Variants in ABI1 observed in about 807,000 individuals in gnomAD.
ABI1 encodes the protein abl interactor 1, also known as Abelson interactor 1.
ABI1 carries 14 observed loss-of-function variants against 54.6 expected under a neutral mutation model. The ratio of observed to expected loss-of-function variants is 0.26; its 90% confidence interval spans 0.17 to 0.40. The LOEUF is 0.40. Among genes scored for constraint, ABI1 ranks in the 10% least tolerant of loss-of-function variants. The pLI is 1.00. For missense variants in ABI1, 443 were observed against 598.3 expected (o/e 0.74, Z 2.71); for synonymous variants, 194 against 209.3 (o/e 0.93, Z 0.63).
chr10:26,756,651 C>T (rs925301830), intron 8 of ABI1, among the ~76,000 whole-genome samples: 3 of 151,972 alleles, frequency 2.0e-5, no homozygotes, highest in Admixed American at 2.0e-4. Context: ...TAGAAGTAAA[C>T]ATTCATATGT....
rs535483408 is a variant in ABI1, at chr10:26,788,203, G to A, written c.286-10962C>T. Among the ~76,000 whole-genome samples, 6 of 152,226 alleles carry A rather than the reference G, an allele frequency of 3.9e-5. No homozygotes were observed. In the South Asian group the frequency reaches 6.2e-4, roughly 16 times the overall value. ...CTTCTCATTTTCTCTTGCTGCCGTC[G>A]TGTAAGAAGGGCATTTTGCCTCCCG... is the stretch of plus-strand genomic sequence containing the variant. On this transcript the variant is annotated intron_variant, in intron 2 of 10. Coordinates refer to ENST00000376140, the MANE Select transcript of ABI1 (RefSeq NM_001012750.3).
intron 2 of ABI1, among the ~76,000 whole-genome samples, chr10:26,801,504 G>A (rs943359714): frequency 3.3e-5 from 5 of 151,610 alleles, no homozygotes; most frequent in South Asian, 2.1e-4. Flanking sequence ...CCAAGATCAC[G>A]CCACTGCAGT....
intron 1 of ABI1, among the ~76,000 whole-genome samples, chr10:26,850,610 A>G (rs1468878856): frequency 6.6e-6 from 1 of 150,468 alleles, no homozygotes; most frequent in Middle Eastern, 3.4e-3. Flanking sequence ...GTGAGCCAAG[A>G]CCGCGCTATT....
intron 3 of ABI1, among the ~76,000 whole-genome samples, chr10:26,771,334 TGCAG>T (rs1840662343): frequency 6.6e-6 from 1 of 152,216 alleles, no homozygotes; most frequent in South Asian, 2.1e-4. Flanking sequence ...TCCAATCTCA[TGCAG>T]GCTCAATGAT....
At chr10:26,834,234 A>G (rs1383842850) in intron 1 of ABI1, among the ~76,000 whole-genome samples, 1 of 152,160 alleles carries the variant, frequency 6.6e-6, no homozygotes, top group Non-Finnish European at 1.5e-5. Flanking sequence ...CATCTCAAAA[A>G]TACAAAAAAG....
At chr10:26,755,767 G>C (rs371895786) in intron 8 of ABI1, 26 bp from the exon 9 acceptor site, 7 of 1,482,550 alleles carry the variant, frequency 4.7e-6, no homozygotes, top group Non-Finnish European at 5.6e-6. Flanking sequence ...CAGTATGGGG[G>C]AAGTAAAACA....
At chr10:26,754,946 C>CG (rs1838110766) in intron 9 of ABI1, among the ~76,000 whole-genome samples, 1 of 146,584 alleles carries the variant, frequency 6.8e-6, no homozygotes, top group African/African-American at 2.7e-5. Flanking sequence ...AACTTCTCCC[C>CG]CCCCACAAAA....
intron 2 of ABI1, among the ~76,000 whole-genome samples, chr10:26,820,987 G>A (rs957826033): frequency 9.1e-5 from 13 of 142,766 alleles, no homozygotes; most frequent in Non-Finnish European, 1.8e-4. Context: ...TCACACCTGC[G>A]ATCCTAGCAC....
chr10:26,831,236 C>CAA (rs374279635), intron 1 of ABI1, among the ~76,000 whole-genome samples: 6 of 144,440 alleles, frequency 4.2e-5, no homozygotes, highest in East Asian at 4.0e-4. Flanking sequence ...CTCCAACTTC[C>CAA]AAAAAAAAAA....
At chr10:26,816,015 T>C (rs1361468682) in intron 2 of ABI1, among the ~76,000 whole-genome samples, 4 of 152,236 alleles carry the variant, frequency 2.6e-5, no homozygotes, top group African/African-American at 9.6e-5. Context: ...AAGTAACAGA[T>C]GAGCATCATT....
chr10:26,818,205 A>G, intron 2 of ABI1, among the ~76,000 whole-genome samples: 1 of 148,948 alleles, frequency 6.7e-6, no homozygotes, highest in Non-Finnish European at 1.5e-5. Context: ...ATTCCTAACA[A>G]ATTTGAAAGG....
rs151259426 is a variant in ABI1 at position 26,802,029 on chromosome 10, C to G, written c.285+21109G>C. On this transcript the variant is annotated intron_variant, in intron 2 of 10. Coordinates refer to ENST00000376140, the MANE Select transcript of ABI1 (RefSeq NM_001012750.3). ...CAGGAAACAGGTCAGAAAGGAGAAA[C>G]AGGGGAAAACCACCCTTTTAAAAAA... 5.5e-4 allele frequency among the ~76,000 whole-genome samples: 83 copies of G among 152,238 alleles called. 1 individual carries two copies. Among genetic ancestry groups the G allele is most frequent in the African/African-American group, 2.0e-3 (82 of 41,536 alleles).
intron 1 of ABI1, among the ~76,000 whole-genome samples, chr10:26,848,146 C>T (rs1034488027): frequency 7.3e-6 from 1 of 136,136 alleles, no homozygotes; most frequent in Non-Finnish European, 1.5e-5. Flanking sequence ...CTGTAGTGAA[C>T]AGTAATCGTG....
intron 8 of ABI1, among the ~76,000 whole-genome samples, chr10:26,756,178 A>G (rs1220021387): frequency 6.6e-6 from 1 of 152,186 alleles, no homozygotes; most frequent in Non-Finnish European, 1.5e-5. Context: ...CTTTAAGGTA[A>G]TGTTGTAAAT....
intron 1 of ABI1, among the ~76,000 whole-genome samples, chr10:26,843,655 A>C (rs2049758047): frequency 6.6e-6 from 1 of 151,452 alleles, no homozygotes; most frequent in South Asian, 2.1e-4. Context: ...AAAAGCAAAA[A>C]TGAGAGTGGC....
chr10:26,845,417 CG>C (rs2049896258), intron 1 of ABI1, among the ~76,000 whole-genome samples: 1 of 151,944 alleles, frequency 6.6e-6, no homozygotes, highest in Admixed American at 6.6e-5. Flanking sequence ...CTGAGGCGGG[CG>C]GATCACCTGA....
At chr10:26,771,425 T>A (rs1840674443) in intron 3 of ABI1, among the ~76,000 whole-genome samples, 1 of 152,194 alleles carries the variant, frequency 6.6e-6, no homozygotes, top group Non-Finnish European at 1.5e-5. Context: ...CTCATTTAAA[T>A]ACAAACACCA....
chr10:26,751,485 G>T, intron 10 of ABI1, 113 bp downstream of exon 10: 2 of 1,017,962 alleles, frequency 2.0e-6, no homozygotes, highest in Non-Finnish European at 2.8e-6. Context: ...AATCATCTTG[G>T]TTGGTAAGGC....
chr10:26,856,459 A>C (rs2050827955), intron 1 of ABI1, among the ~76,000 whole-genome samples: 1 of 142,250 alleles, frequency 7.0e-6, no homozygotes, highest in African/African-American at 2.6e-5. Flanking sequence ...AAAAAAAAAA[A>C]AAACTGACAC....
Sources: gnomAD v4.1 joint callset for allele counts (sites outside exome capture counted in the v4.1 genomes callset) on GRCh38, gnomAD v4.1.1 for gene constraint, MANE v1.5 for transcripts, NCBI Gene and HGNC (gene_info 2026-07-23, HGNC 2026-07-21) for gene names.